Variants in ELAVL2 observed in about 807,000 individuals in gnomAD.
ELAVL2 encodes ELAV-like protein 2.
A neutral mutation model predicts 34.6 loss-of-function variants in ELAVL2; 4 were observed. The observed-to-expected ratio is 0.12, with a 90% confidence interval of 0.06 to 0.26. ELAVL2 has a LOEUF of 0.26. Among genes scored for constraint, ELAVL2 ranks in the 10% least tolerant of loss-of-function variants. The pLI, the probability that ELAVL2 is intolerant of heterozygous loss-of-function variation, is 1.00. For synonymous variants in ELAVL2, 193 were observed against 154.8 expected (o/e 1.25, Z -1.83); for missense variants, 432 against 442.8 (o/e 0.98, Z 0.22).
intron 1 of ELAVL2, among the ~76,000 whole-genome samples, chr9:23,785,420 T>C (rs1324031464): frequency 6.6e-6 from 1 of 152,208 alleles, no homozygotes; most frequent in Non-Finnish European, 1.5e-5. Context: ...TAACTTAGTG[T>C]CCTGGAGGAC....
intron 1 of ELAVL2, among the ~76,000 whole-genome samples, chr9:23,763,998 T>C (rs1199765804): frequency 6.6e-6 from 1 of 152,188 alleles, no homozygotes; most frequent in African/African-American, 2.4e-5. Flanking sequence ...ATGGGTTTTA[T>C]TATAATTAGC....
At chr9:23,809,380 G>A (rs1303718096) in intron 1 of ELAVL2, among the ~76,000 whole-genome samples, 3 of 152,122 alleles carry the variant, frequency 2.0e-5, no homozygotes, top group Admixed American at 2.0e-4. Context: ...CATTTGGACT[G>A]AAAGATGCAC....
chr9:23,703,222 G>A lies in ELAVL2; in HGVS notation c.488-1618C>T, dbSNP rs552199749. Among the ~76,000 whole-genome samples, 6 of 152,308 alleles carry A rather than the reference G, an allele frequency of 3.9e-5. No homozygotes were observed. In the South Asian group the frequency reaches 6.2e-4, roughly 16 times the overall value. ...TGGACTAGCAGGTAAAAGATGAGACGCACTTTGTGTCATAGGTGAAACCTA... is the reference window on the plus strand; with the variant it reads ...TGGACTAGCAGGTAAAAGATGAGACACACTTTGTGTCATAGGTGAAACCTA... On this transcript the variant is annotated intron_variant, in intron 4 of 6. Coordinates refer to ENST00000397312, the MANE Select transcript of ELAVL2 (RefSeq NM_004432.5).
At chr9:23,739,540 C>A (rs991148333) in intron 2 of ELAVL2, among the ~76,000 whole-genome samples, 1 of 151,974 alleles carries the variant, frequency 6.6e-6, no homozygotes, top group South Asian at 2.1e-4. Flanking sequence ...TCCGCCACCG[C>A]CCCTACCCCC....
chr9:23,754,206 T>A (rs528672026), intron 2 of ELAVL2, among the ~76,000 whole-genome samples: 91 of 152,184 alleles, frequency 6.0e-4, no homozygotes, highest in African/African-American at 2.2e-3. Flanking sequence ...TATCAGGAAA[T>A]CAGAGAAACA....
rs367878979 is a variant in ELAVL2, at chr9:23,732,775, A to T, written c.230-1650T>A. On this transcript the variant is annotated intron_variant, in intron 2 of 6. Coordinates refer to ENST00000397312, the MANE Select transcript of ELAVL2 (RefSeq NM_004432.5). The stretch of plus-strand genomic sequence containing the variant: ...TGTGCAACTTTGAAGAAGCTACTTA[A>T]CACCTCTCTGAACCACAGCTTCCTT... Among the ~76,000 whole-genome samples, 12 of 152,276 alleles carry T rather than the reference A, an allele frequency of 7.9e-5. No individual in the cohort carries two copies. In the East Asian group the frequency reaches 1.5e-3, roughly 20 times the overall value.
At chr9:23,789,799 T>G (rs916412459) in intron 1 of ELAVL2, among the ~76,000 whole-genome samples, 1 of 152,094 alleles carries the variant, frequency 6.6e-6, no homozygotes, top group Non-Finnish European at 1.5e-5. Flanking sequence ...ACAGTATGGT[T>G]GCAAAACAGT....
intron 3 of ELAVL2, among the ~76,000 whole-genome samples, chr9:23,720,818 G>C (rs930268715): frequency 6.6e-6 from 1 of 152,070 alleles, no homozygotes; most frequent in Admixed American, 6.6e-5. Flanking sequence ...CTCAGGTCAG[G>C]CCACCATCTG....
chr9:23,781,857 T>C (rs1309519801), intron 1 of ELAVL2, among the ~76,000 whole-genome samples: 2 of 152,078 alleles, frequency 1.3e-5, no homozygotes, highest in Non-Finnish European at 2.9e-5. Flanking sequence ...GCTAATTTTT[T>C]GTATTTTTAG....
chr9:23,744,426 T>C (rs1385044175), intron 2 of ELAVL2, among the ~76,000 whole-genome samples: 2 of 152,336 alleles, frequency 1.3e-5, no homozygotes, highest in Non-Finnish European at 2.9e-5. Flanking sequence ...TGAAAACTTC[T>C]TCCTTGCTAT....
At chr9:23,850,267 C>T in the ELAVL2 span, among the ~76,000 whole-genome samples, 1 of 149,536 alleles carries the variant, frequency 6.7e-6, no homozygotes, top group Admixed American at 6.7e-5. Flanking sequence ...CCGCGATTAC[C>T]CGAGTGACTG....
chr9:23,807,613 G>T (rs1405159470), intron 1 of ELAVL2, among the ~76,000 whole-genome samples: 1 of 152,030 alleles, frequency 6.6e-6, no homozygotes, highest in Non-Finnish European at 1.5e-5. Context: ...AATACTGGAA[G>T]GAACACAATA....
chr9:23,737,658 A>G (rs1327522410), intron 2 of ELAVL2, among the ~76,000 whole-genome samples: 1 of 152,220 alleles, frequency 6.6e-6, no homozygotes, highest in Non-Finnish European at 1.5e-5. Context: ...TGGTAGTTGA[A>G]TCAACAATAA....
chr9:23,819,882 G>A (rs920753585), intron 1 of ELAVL2, among the ~76,000 whole-genome samples: 4 of 152,008 alleles, frequency 2.6e-5, no homozygotes, highest in African/African-American at 9.7e-5. Context: ...CCCATAGTTT[G>A]CAAGCGAACT....
chr9:23,835,841 G>A, the ELAVL2 span, among the ~76,000 whole-genome samples: 1 of 152,066 alleles, frequency 6.6e-6, no homozygotes, highest in South Asian at 2.1e-4. Context: ...ATTCATTGTA[G>A]GTAACAATAG....
intron 3 of ELAVL2, among the ~76,000 whole-genome samples, chr9:23,708,240 A>C (rs953860578): frequency 6.6e-6 from 1 of 152,230 alleles, no homozygotes; most frequent in Non-Finnish European, 1.5e-5. Context: ...AACAATGTTT[A>C]ATGTTAAACT....
At chr9:23,761,857 A>G (rs1277191116) in intron 2 of ELAVL2, 149 bp downstream of exon 2, 21 of 1,139,072 alleles carry the variant, frequency 1.8e-5, no homozygotes, top group Non-Finnish European at 2.4e-5. Flanking sequence ...ATTTTAAACT[A>G]AGTTTCATAT....
intron 4 of ELAVL2, among the ~76,000 whole-genome samples, chr9:23,703,033 A>G (rs112170233): frequency 0.014 from 2,102 of 148,380 alleles, 47 homozygotes; most frequent in African/African-American, 0.047. Context: ...CTACTTAAGC[A>G]TACCTAAGAA....
intron 1 of ELAVL2, among the ~76,000 whole-genome samples, chr9:23,782,869 G>A (rs1010512836): frequency 6.6e-6 from 1 of 152,138 alleles, no homozygotes; most frequent in African/African-American, 2.4e-5. Context: ...GGAGACCCCG[G>A]GGCACAAGAA....
Sources: gnomAD v4.1 joint callset for allele counts (sites outside exome capture counted in the v4.1 genomes callset) on GRCh38, gnomAD v4.1.1 for gene constraint, MANE v1.5 for transcripts, NCBI Gene and HGNC (gene_info 2026-07-23, HGNC 2026-07-21) for gene names.